The following SORCS1 variants were observed in gnomAD, a reference collection of about 807,000 sequenced individuals.
SORCS1 encodes VPS10 domain-containing receptor SorCS1.
In SORCS1, 60 loss-of-function variants were observed where a neutral mutation model predicts 146.1. The observed-to-expected ratio is 0.41, with a 90% CI of 0.33 to 0.51. The LOEUF is 0.51. Ranked by LOEUF, SORCS1 falls within the 20% of genes least tolerant of loss-of-function variation. The pLI, the probability that SORCS1 is intolerant of heterozygous loss-of-function variation, is 0.21. For missense variants in SORCS1, 1,352 were observed against 1,487.6 expected (o/e 0.91, Z 1.50); for synonymous variants, 637 against 584.0 (o/e 1.09, Z -1.31).
At chr10:106,860,822 G>C (rs1230189423) in intron 2 of SORCS1, among the ~76,000 whole-genome samples, 2 of 152,178 alleles carry the variant, frequency 1.3e-5, no homozygotes, top group Non-Finnish European at 2.9e-5. Context: ...ATATTGGCGA[G>C]TTGTCATCCT....
intron 18 of SORCS1, among the ~76,000 whole-genome samples, chr10:106,638,288 T>C (rs1001762507): frequency 6.6e-6 from 1 of 152,140 alleles, no homozygotes; most frequent in Non-Finnish European, 1.5e-5. Flanking sequence ...AAACTATATA[T>C]ACTTTAAAAA....
chr10:106,777,353 A>T (rs941396532), intron 3 of SORCS1, among the ~76,000 whole-genome samples: 2 of 152,218 alleles, frequency 1.3e-5, no homozygotes, highest in African/African-American at 2.4e-5. Flanking sequence ...CCCTGTGCGA[A>T]CAGAGATAGC....
At chr10:106,582,138 TAC>T (rs59775337) in intron 24 of SORCS1, among the ~76,000 whole-genome samples, 57 of 149,116 alleles carry the variant, frequency 3.8e-4, no homozygotes, top group South Asian at 2.1e-3. Flanking sequence ...CACAAACACA[TAC>T]ACACACACAC....
intron 2 of SORCS1, among the ~76,000 whole-genome samples, chr10:106,848,479 C>G (rs1217699979): frequency 3.5e-4 from 13 of 37,390 alleles, no homozygotes; most frequent in African/African-American, 1.1e-3. Context: ...CTATGTGTGT[C>G]TCTGCACGTG....
intron 2 of SORCS1, among the ~76,000 whole-genome samples, chr10:106,843,034 C>A (rs991635037): frequency 9.2e-5 from 14 of 152,188 alleles, no homozygotes; most frequent in Non-Finnish European, 1.9e-4. Flanking sequence ...TATAGGTATA[C>A]ATTTTGAAAT....
intron 1 of SORCS1, among the ~76,000 whole-genome samples, chr10:107,030,387 G>A (rs971577131): frequency 6.6e-6 from 1 of 152,090 alleles, no homozygotes; most frequent in Non-Finnish European, 1.5e-5. Context: ...TAAATATCTT[G>A]TCTGAGGTCA....
intron 1 of SORCS1, among the ~76,000 whole-genome samples, chr10:106,982,201 T>C (rs1367978030): frequency 6.6e-6 from 1 of 152,206 alleles, no homozygotes. Flanking sequence ...TGAAATTTAG[T>C]CAAAGAAAAT....
intron 5 of SORCS1, among the ~76,000 whole-genome samples, chr10:106,755,579 A>C (rs1189629262): frequency 6.7e-6 from 1 of 149,940 alleles, no homozygotes; most frequent in Non-Finnish European, 1.5e-5. Context: ...ACAGTAACAT[A>C]ATCTTTGTGT....
intron 23 of SORCS1, among the ~76,000 whole-genome samples, chr10:106,599,163 C>T (rs150671472): frequency 0.01 from 1,535 of 152,028 alleles, 34 homozygotes; most frequent in African/African-American, 0.036. Context: ...TTCAGGAGTT[C>T]GAGACCAGCA....
At chr10:107,155,585 C>T (rs942139471) in intron 1 of SORCS1, among the ~76,000 whole-genome samples, 4 of 152,064 alleles carry the variant, frequency 2.6e-5, no homozygotes, top group African/African-American at 9.7e-5. Context: ...CTGAATGTGC[C>T]CAAAATAGCC....
chr10:106,780,226 TAGTA>T (rs1353078245), intron 3 of SORCS1, among the ~76,000 whole-genome samples: 7 of 152,224 alleles, frequency 4.6e-5, no homozygotes, highest in Non-Finnish European at 1.0e-4. Context: ...ATTTTCAAAA[TAGTA>T]AGTTCAAATT....
At chr10:107,003,057 A>G (rs1302521883) in intron 1 of SORCS1, among the ~76,000 whole-genome samples, 1 of 152,140 alleles carries the variant, frequency 6.6e-6, no homozygotes, top group African/African-American at 2.4e-5. Context: ...GGAGGTCGAG[A>G]CCAGCCTGGC....
intron 1 of SORCS1, among the ~76,000 whole-genome samples, chr10:107,076,024 G>T (rs1962853604): frequency 6.6e-6 from 1 of 152,180 alleles, no homozygotes; most frequent in Admixed American, 6.5e-5. Context: ...ATAGGGAATA[G>T]CTACTAATTA....
chr10:106,763,100 C>A (rs562555135), intron 4 of SORCS1, among the ~76,000 whole-genome samples: 1 of 152,124 alleles, frequency 6.6e-6, no homozygotes, highest in Admixed American at 6.5e-5. Flanking sequence ...TATTTAGTAA[C>A]ATACAAAAAT....
intron 1 of SORCS1, among the ~76,000 whole-genome samples, chr10:107,161,604 C>T (rs966945765): frequency 3.9e-5 from 6 of 152,062 alleles, no homozygotes; most frequent in African/African-American, 7.2e-5. Flanking sequence ...CCACATTCAG[C>T]GGACACTCAA....
chr10:107,173,666 G>A, the SORCS1 span, among the ~76,000 whole-genome samples: 1 of 152,000 alleles, frequency 6.6e-6, no homozygotes, highest in African/African-American at 2.4e-5. Flanking sequence ...TCTAGAAGCT[G>A]TATTGTTTTA....
In SORCS1 at chr10:106,960,039, C is replaced by G. The variant is rs973828562; in HGVS notation, c.559-3459G>C. ...ACAAAGTGGCATATCCATCAGCACC[C>G]CATTTATTTCTGTATCTTGTTTTCA... On this transcript the variant is annotated intron_variant, in intron 1 of 25. Transcript: ENST00000263054. This position sits in a 1 kb window ranked among gnomAD's most constrained non-coding sequence, Gnocchi z 4.4. 1.8e-4 allele frequency among the ~76,000 whole-genome samples: 28 copies of G among 152,122 alleles called. No homozygotes were observed. The highest frequency in any genetic ancestry group is 5.9e-5 in the Non-Finnish European group (4 of 68,034).
chr10:106,596,202 T>C (rs996266018), intron 24 of SORCS1, among the ~76,000 whole-genome samples: 1 of 152,182 alleles, frequency 6.6e-6, no homozygotes, highest in Non-Finnish European at 1.5e-5. Flanking sequence ...GTTTGCTCAC[T>C]GACTACTCTC....
chr10:107,088,214 T>TGA (rs1963912903), intron 1 of SORCS1, among the ~76,000 whole-genome samples: 8 of 152,056 alleles, frequency 5.3e-5, no homozygotes, highest in Admixed American at 5.2e-4. Context: ...AAAGGCTTGA[T>TGA]TTTGTTGTTG....
Sources: gnomAD v4.1 joint callset for allele counts (sites outside exome capture counted in the v4.1 genomes callset) on GRCh38, gnomAD v4.1.1 for gene constraint, Gnocchi (gnomAD v3.1) non-coding constraint, MANE v1.5 for transcripts, NCBI Gene and HGNC (gene_info 2026-07-23, HGNC 2026-07-21) for gene names.